The following DLG2 variants were observed in gnomAD, a reference collection of about 807,000 sequenced individuals.
The protein encoded by DLG2 is discs large MAGUK scaffold protein 2.
DLG2 carries 45 observed loss-of-function variants against 132.5 expected under a neutral mutation model. That is an observed-to-expected ratio of 0.34 (90% CI 0.27 to 0.44). The LOEUF (loss-of-function observed/expected upper bound fraction) is 0.44. Ranked by LOEUF, DLG2 falls within the 20% of genes least tolerant of loss-of-function variation. DLG2 has a pLI of 1.00. For missense variants in DLG2, 1,045 were observed against 1,196.9 expected, an observed-to-expected ratio of 0.87 and a Z score of 1.87; for synonymous variants, 424 against 419.6, an observed-to-expected ratio of 1.01 and a Z score of -0.13.
chr11:83,866,852 A>C (rs1825723214), intron 16 of DLG2, among the ~76,000 whole-genome samples: 1 of 152,162 alleles, frequency 6.6e-6, no homozygotes, highest in Admixed American at 6.6e-5. Flanking sequence ...ATGTGAGTCC[A>C]CTAAACAGGG....
chr11:85,142,086 C>T (rs2076528743), intron 5 of DLG2, among the ~76,000 whole-genome samples: 2 of 151,752 alleles, frequency 1.3e-5, no homozygotes. Context: ...TTTGTTATTT[C>T]TGTGAAGAAT....
chr11:84,615,396 TG>T (rs543471821), intron 6 of DLG2, among the ~76,000 whole-genome samples: 66 of 152,202 alleles, frequency 4.3e-4, no homozygotes, highest in Non-Finnish European at 7.9e-4. Context: ...CTTGGTCACC[TG>T]AAATGTTAAA....
chr11:85,381,902 G>A (rs754448167), intron 3 of DLG2, among the ~76,000 whole-genome samples: 1 of 151,982 alleles, frequency 6.6e-6, no homozygotes, highest in Non-Finnish European at 1.5e-5. Context: ...TGTTAAGATG[G>A]CAATACTCCC....
chr11:83,792,522 A>G (rs2041849616), intron 17 of DLG2, among the ~76,000 whole-genome samples: 1 of 152,170 alleles, frequency 6.6e-6, no homozygotes, highest in Non-Finnish European at 1.5e-5. Flanking sequence ...TTTCTTGTAT[A>G]TACTACTAAT....
chr11:85,404,821 A>G (rs1378380386), intron 3 of DLG2, among the ~76,000 whole-genome samples: 2 of 151,976 alleles, frequency 1.3e-5, no homozygotes, highest in Non-Finnish European at 1.5e-5. Flanking sequence ...GTCACTTTAC[A>G]CATTCTATCA....
chr11:84,422,066 A>C (rs141681159), intron 7 of DLG2, among the ~76,000 whole-genome samples: 198 of 152,322 alleles, frequency 1.3e-3, no homozygotes, highest in African/African-American at 4.6e-3. Flanking sequence ...ACTCAAACAT[A>C]TCTCTCCCTC....
At chr11:85,282,987 C>T (rs1312794232) in intron 4 of DLG2, among the ~76,000 whole-genome samples, 3 of 151,748 alleles carry the variant, frequency 2.0e-5, no homozygotes, top group African/African-American at 7.3e-5. Context: ...AACACAGGAA[C>T]AAAAAAACAA....
At chr11:84,299,327 T>A (rs951022962) in intron 7 of DLG2, among the ~76,000 whole-genome samples, 7 of 152,176 alleles carry the variant, frequency 4.6e-5, no homozygotes, top group Admixed American at 1.3e-4. Flanking sequence ...TCATAATGGA[T>A]TGAAGAGATC....
At chr11:85,446,338 C>T (rs2092007572) in intron 3 of DLG2, among the ~76,000 whole-genome samples, 1 of 152,022 alleles carries the variant, frequency 6.6e-6, no homozygotes, top group Middle Eastern at 3.2e-3. Context: ...CATTTGTTGC[C>T]ATTGGAGGAA....
At chr11:85,480,778 T>C (rs1414353064) in intron 3 of DLG2, among the ~76,000 whole-genome samples, 1 of 152,174 alleles carries the variant, frequency 6.6e-6, no homozygotes, top group African/African-American at 2.4e-5. Context: ...AAGAATCTAT[T>C]CTGGAGCCTT....
At chr11:83,703,103 C>T (rs1318121247) in intron 18 of DLG2, among the ~76,000 whole-genome samples, 1 of 152,214 alleles carries the variant, frequency 6.6e-6, no homozygotes, top group African/African-American at 2.4e-5. Context: ...ATGCTCTTGC[C>T]TTTTAACCCA....
chr11:83,819,469 CAAAAA>C (rs398016925), intron 17 of DLG2, among the ~76,000 whole-genome samples: 2 of 28,128 alleles, frequency 7.1e-5, no homozygotes, highest in South Asian at 3.0e-3. Flanking sequence ...GACTCTATCT[CAAAAA>C]AAAAAAAAAA....
chr11:83,511,127 T>C (rs1380136583), intron 21 of DLG2, among the ~76,000 whole-genome samples: 1 of 120,376 alleles, frequency 8.3e-6, no homozygotes, highest in East Asian at 2.8e-4. Context: ...CTTTTCTATC[T>C]ATGCTGAATT....
chr11:84,952,134 T>G (rs1245634758), intron 6 of DLG2, among the ~76,000 whole-genome samples: 1 of 152,238 alleles, frequency 6.6e-6, no homozygotes, highest in East Asian at 1.9e-4. Flanking sequence ...GCTTACTTCT[T>G]CCTGATTGTA....
intron 3 of DLG2, among the ~76,000 whole-genome samples, chr11:85,565,161 G>A (rs1165210206): frequency 6.6e-6 from 1 of 151,978 alleles, no homozygotes; most frequent in Non-Finnish European, 1.5e-5. Context: ...TGTGAGCTAT[G>A]CATTAAACAG....
In DLG2 at chr11:84,041,787, T is replaced by C. The variant is rs559785104; in HGVS notation, c.919+17528A>G. 2.0e-5 allele frequency among the ~76,000 whole-genome samples: 3 copies of C among 152,100 alleles called. No homozygotes were observed. The South Asian group carries it at 6.2e-4, about 32-fold the overall frequency. On this transcript the variant is annotated intron_variant, in intron 11 of 27. Transcript: ENST00000376104. ...GGTTTGGCTATGTCCCCACCCAAATTCCATCTTGAAATGTAATTCCCACAA... is the reference window on the plus strand; with the variant it reads ...GGTTTGGCTATGTCCCCACCCAAATCCCATCTTGAAATGTAATTCCCACAA...
At chr11:85,568,735 T>C (rs914720495) in intron 3 of DLG2, among the ~76,000 whole-genome samples, 6 of 152,180 alleles carry the variant, frequency 3.9e-5, no homozygotes, top group African/African-American at 1.4e-4. Context: ...TAATCCTTAT[T>C]TCTGTAAGAT....
intron 7 of DLG2, among the ~76,000 whole-genome samples, chr11:84,411,118 T>A (rs960483569): frequency 6.6e-6 from 1 of 152,180 alleles, no homozygotes; most frequent in Admixed American, 6.5e-5. Context: ...AGGTAGAATT[T>A]CACCATGTGG....
chr11:84,211,351 G>T (rs1239241822), intron 8 of DLG2, among the ~76,000 whole-genome samples: 3 of 152,042 alleles, frequency 2.0e-5, no homozygotes, highest in Non-Finnish European at 4.4e-5. Context: ...CTCCTTCCCT[G>T]CTCAGATTGA....
Sources: gnomAD v4.1 joint callset for allele counts (sites outside exome capture counted in the v4.1 genomes callset) on GRCh38, gnomAD v4.1.1 for gene constraint, MANE v1.5 for transcripts, NCBI Gene and HGNC (gene_info 2026-07-23, HGNC 2026-07-21) for gene names.